The following CENPF variants were observed in gnomAD, a reference collection of about 807,000 sequenced individuals.
The protein encoded by CENPF is AH antigen.
CENPF carries 214 observed loss-of-function variants against 307.3 expected under a neutral mutation model. That is an observed-to-expected ratio of 0.70 (90% CI 0.62 to 0.78). CENPF has a LOEUF of 0.78. Ranked by LOEUF, CENPF falls within the 30% of genes least tolerant of loss-of-function variation. CENPF has a pLI of 0.00. For synonymous variants in CENPF, 1,259 were observed against 1,270.6 expected (o/e 0.99, Z 0.19); for missense variants, 3,401 against 3,483.9 (o/e 0.98, Z 0.60).
rs1225978955 is a variant in CENPF at position 214,646,988 on chromosome 1, G to T, written c.7418G>T (p.Ser2473Ile). ...AAGGCCAAAGAGCAGAATCTTAGTA[G>T]TCAAGTAGAGTGTCTTGAACTTGAG... ...ACKAKEQNLS[S>I]QVECLELEKA... Residue 2473 changes from serine (S) to isoleucine (I), a missense_variant, in exon 13 of 20, where the codon AGT (serine) becomes ATT (isoleucine). Coordinates refer to ENST00000366955, the MANE Select transcript of CENPF (RefSeq NM_016343.4). The T allele has an allele frequency of 6.2e-7, 1 of 1,613,922 alleles. No homozygotes were observed. The highest frequency in any genetic ancestry group is 8.5e-7 in the Non-Finnish European group (1 of 1,179,988).
intron 10 of CENPF, among the ~76,000 whole-genome samples, chr1:214,632,926 G>A (rs1657848645): frequency 6.6e-6 from 1 of 152,060 alleles, no homozygotes; most frequent in Non-Finnish European, 1.5e-5. Context: ...CCAGGGAGGT[G>A]GAAAGATGGG....
chr1:214,616,849 CTTTCTTTCTTTCT>C (rs1558170838), intron 3 of CENPF, among the ~76,000 whole-genome samples: 34 of 6,576 alleles, frequency 5.2e-3, no homozygotes, highest in African/African-American at 0.012. Flanking sequence ...TTCTTTCTTT[CTTTCTTTCTTTCT>C]TTCTTTCTTT....
At chr1:214,616,557 A>G (rs376730608) in intron 3 of CENPF, among the ~76,000 whole-genome samples, 1 of 152,150 alleles carries the variant, frequency 6.6e-6, no homozygotes, top group East Asian at 1.9e-4. Flanking sequence ...TAACTTTCCT[A>G]TTAATTACAA....
intron 12 of CENPF, among the ~76,000 whole-genome samples, chr1:214,644,229 A>T (rs1417785361): frequency 1.3e-5 from 2 of 152,268 alleles, no homozygotes; most frequent in East Asian, 3.8e-4. Context: ...ATAATTACAA[A>T]GAGATTTCAT....
intron 1 of CENPF, among the ~76,000 whole-genome samples, chr1:214,612,436 T>G (rs1288508526): frequency 1.3e-5 from 2 of 152,184 alleles, no homozygotes; most frequent in African/African-American, 4.8e-5. Context: ...TTTCTTTTTT[T>G]GTTGGGTCTC....
intron 7 of CENPF, among the ~76,000 whole-genome samples, chr1:214,625,692 A>T (rs1657635327): frequency 6.6e-6 from 1 of 151,896 alleles, no homozygotes; most frequent in African/African-American, 2.4e-5. Context: ...ATTTTTTAAA[A>T]ATCCATTTTG....
At position 214,632,616 on chromosome 1, in the gene CENPF, A is replaced by T. The variant is rs1657839686; in HGVS notation, c.1446+14A>T. 6.2e-7 allele frequency: 1 copy of T among 1,611,304 alleles called. No individual in the cohort carries two copies. Among genetic ancestry groups the T allele is most frequent in the Non-Finnish European group, 8.5e-7 (1 of 1,179,136 alleles). ...AGAAGCATGGAGGTAAGGGAGGAGG[A>T]TGCCGAATTTTCTCCACTTATGTAA... On this transcript the variant is annotated intron_variant, in intron 10 of 19. Coordinates refer to ENST00000366955, the MANE Select transcript of CENPF (RefSeq NM_016343.4).
intron 1 of CENPF, 102 bp from the exon 2 acceptor site, chr1:214,613,612 C>A (rs1488668454): frequency 1.2e-6 from 1 of 804,712 alleles, no homozygotes; most frequent in Non-Finnish European, 1.9e-6. Flanking sequence ...GAAATGTGGT[C>A]TTGAAACTTG....
chr1:214,608,570 TG>T, intron 1 of CENPF: 4 of 1,610,176 alleles, frequency 2.5e-6, no homozygotes, highest in Non-Finnish European at 2.5e-6. Context: ...GCGCTCTTGG[TG>T]GGGAAGACCT....
In CENPF at chr1:214,642,554, G is replaced by A. The variant is rs766232547; in HGVS notation, c.4216G>A (p.Glu1406Lys). 15 of 1,611,362 alleles carry A rather than the reference G, an allele frequency of 9.3e-6. No homozygotes were observed. The highest frequency in any genetic ancestry group is 1.7e-4 in the Middle Eastern group (1 of 6,034). ...CAAAGAAGTTCAAATGCACTTTGCC[G>A]AATTGCAAGAGAAATTCTTATCTTT... ...SDKEVQMHFA[E>K]LQEKFLSLQS... is the part of the protein sequence containing the mutation. The change falls in exon 12 of 20, where the codon GAA (glutamate) becomes AAA (lysine). Residue 1406 changes from glutamate (E) to lysine (K), a missense_variant. By Grantham distance (56) the Glu-to-Lys change is moderately conservative. Transcript: ENST00000366955.
At position 214,637,910 on chromosome 1, in the gene CENPF, A is replaced by G; in HGVS notation, c.1491A>G (p.Gln497=). 6.2e-7 allele frequency: 1 copy of G among 1,613,474 alleles called. No individual in the cohort carries two copies. Among genetic ancestry groups the G allele is most frequent in the Non-Finnish European group, 8.5e-7 (1 of 1,179,874 alleles). ...ENNLLKSHSE[Q]KAREVCHLEA... ...ACCTCCTTAAGAGTCACTCTGAGCA[A>G]AAGGCCAGAGAAGTCTGCCACCTGG... Residue 497 remains glutamine (Q), a synonymous_variant, in exon 11 of 20, where the codon CAA becomes CAG. Coordinates refer to ENST00000366955, the MANE Select transcript of CENPF (RefSeq NM_016343.4).
intron 18 of CENPF, 46 bp from the exon 19 acceptor site, chr1:214,658,804 T>C (rs192584845): frequency 1.3e-6 from 2 of 1,573,442 alleles, no homozygotes; most frequent in East Asian, 4.5e-5. Flanking sequence ...CCACTGTAGA[T>C]AGAATTGGAC....
At chr1:214,624,849 TAG>T (rs1277083677) in intron 7 of CENPF, among the ~76,000 whole-genome samples, 2 of 152,236 alleles carry the variant, frequency 1.3e-5, no homozygotes, top group Non-Finnish European at 1.5e-5. Flanking sequence ...ATTTTCTGTT[TAG>T]TTGTTCAATT....
At chr1:214,643,786 A>T (rs1376770687) in intron 12 of CENPF, among the ~76,000 whole-genome samples, 1 of 152,234 alleles carries the variant, frequency 6.6e-6, no homozygotes, top group African/African-American at 2.4e-5. Flanking sequence ...TGTATTACTA[A>T]ACAGTTTTCT....
intron 3 of CENPF, among the ~76,000 whole-genome samples, chr1:214,615,794 C>T (rs1029289894): frequency 1.6e-4 from 25 of 152,116 alleles, no homozygotes; most frequent in African/African-American, 5.5e-4. Context: ...CAAAAATTAG[C>T]GAGGTGTAGT....
At chr1:214,648,515 G>T (rs754580376) in intron 13 of CENPF, 160 bp from the exon 14 acceptor site, 3 of 801,076 alleles carry the variant, frequency 3.7e-6, no homozygotes, top group Admixed American at 1.7e-5. Flanking sequence ...AGTAGGTTTT[G>T]AGAATGTTGA....
In CENPF at chr1:214,657,163, G is replaced by A; in HGVS notation, c.8716G>A (p.Val2906Ile). ...CCGAGGGTCTCCTTTGCTAGGTCCAGTTGTTCCAGGACCATCTCCAATCCC... is the reference window on the plus strand; with the variant it reads ...CCGAGGGTCTCCTTTGCTAGGTCCAATTGTTCCAGGACCATCTCCAATCCC... ...DSRGSPLLGP[V>I]VPGPSPIPSV... Residue 2906 changes from valine to isoleucine, a missense_variant, in exon 18 of 20, where the codon GTT (valine) becomes ATT (isoleucine). Transcript: ENST00000366955. The A allele has an allele frequency of 1.2e-6, 2 of 1,614,184 alleles. No individual in the cohort carries two copies. Among genetic ancestry groups the A allele is most frequent in the Admixed American group, 3.3e-5 (2 of 60,026 alleles).
intron 1 of CENPF, chr1:214,612,944 GT>G: frequency 4.4e-6 from 1 of 229,390 alleles, no homozygotes; most frequent in Non-Finnish European, 8.7e-6. Context: ...AGGGCCTATG[GT>G]TTTTCTTTTT....
chr1:214,608,351 CA>C (rs1464214422), intron 1 of CENPF: 1 of 1,610,930 alleles, frequency 6.2e-7, no homozygotes, highest in Non-Finnish European at 8.5e-7. Context: ...TCGATGTCGG[CA>C]TAGAGGTTCC....
Sources: gnomAD v4.1 joint callset for allele counts (sites outside exome capture counted in the v4.1 genomes callset) on GRCh38, gnomAD v4.1.1 for gene constraint, MANE v1.5 for transcripts, NCBI Gene and HGNC (gene_info 2026-07-23, HGNC 2026-07-21) for gene names.